Variants in RNF130 observed in about 807,000 individuals in gnomAD.
RNF130 encodes the protein ring finger protein 130, also known as E3 ubiquitin-protein ligase RNF130.
Under a neutral mutation model 44.6 loss-of-function variants are expected in RNF130, and 21 were observed. The ratio of observed to expected loss-of-function variants is 0.47; its 90% CI spans 0.33 to 0.68. RNF130 has a LOEUF of 0.68. RNF130 is among the 30% of genes least tolerant of loss of function. RNF130 has a pLI of 0.02. For missense variants in RNF130, 479 were observed against 560.6 expected (o/e 0.85, Z 1.47); for synonymous variants, 214 against 210.4 (o/e 1.02, Z -0.15).
At chr5:179,970,095 C>T (rs541158885) in intron 6 of RNF130, among the ~76,000 whole-genome samples, 1 of 152,146 alleles carries the variant, frequency 6.6e-6, no homozygotes, top group African/African-American at 2.4e-5. Flanking sequence ...TTCGAGGTTA[C>T]AGTAAGCTAT....
chr5:180,012,957 A>C (rs1185888094), intron 3 of RNF130, 104 bp downstream of exon 3: 3 of 1,345,970 alleles, frequency 2.2e-6, no homozygotes, highest in Non-Finnish European at 3.0e-6. Flanking sequence ...TGAGGGTAAC[A>C]ACATTTTTTA....
intron 3 of RNF130, among the ~76,000 whole-genome samples, chr5:179,991,660 G>T (rs989446416): frequency 6.6e-6 from 1 of 152,138 alleles, no homozygotes; most frequent in African/African-American, 2.4e-5. Flanking sequence ...ACCAGTGACT[G>T]GTTTTGTGGA....
chr5:179,962,274 A>T (rs1762349800), intron 8 of RNF130, among the ~76,000 whole-genome samples: 1 of 152,202 alleles, frequency 6.6e-6, no homozygotes, highest in African/African-American at 2.4e-5. Flanking sequence ...GCCAGGGGGC[A>T]CTTCTTCCAA....
chr5:180,041,127 G>A (rs1023113714), intron 1 of RNF130, among the ~76,000 whole-genome samples: 13 of 152,184 alleles, frequency 8.5e-5, no homozygotes, highest in Admixed American at 2.0e-4. Flanking sequence ...AATAATCCTC[G>A]GTTCAGTTAC....
At chr5:180,048,294 G>C (rs150186685) in intron 1 of RNF130, among the ~76,000 whole-genome samples, 8 of 152,104 alleles carry the variant, frequency 5.3e-5, no homozygotes, top group African/African-American at 1.9e-4. Flanking sequence ...TCTGTAGTCC[G>C]GTTTACGGCA....
intron 1 of RNF130, among the ~76,000 whole-genome samples, chr5:180,051,013 G>A (rs1379884131): frequency 6.6e-6 from 1 of 151,970 alleles, no homozygotes; most frequent in African/African-American, 2.4e-5. Flanking sequence ...ATGTTGCCCA[G>A]GCTGGTCTCG....
At chr5:179,946,830 A>C (rs1189979182) in intron 7 of RNF130, among the ~76,000 whole-genome samples, 1 of 152,226 alleles carries the variant, frequency 6.6e-6, no homozygotes, top group Non-Finnish European at 1.5e-5. Context: ...CTGGGATTAC[A>C]GACGTCAGCC....
At chr5:179,934,304 TCA>T in intron 7 of RNF130, 1 of 155,058 alleles carries the variant, frequency 6.4e-6, no homozygotes, top group Admixed American at 6.4e-5. Flanking sequence ...CAGAACTTTT[TCA>T]TCTTGCAAAT....
chr5:180,059,704 CATT>C (rs1382457608), intron 1 of RNF130, among the ~76,000 whole-genome samples: 2 of 152,200 alleles, frequency 1.3e-5, no homozygotes, highest in Non-Finnish European at 2.9e-5. Context: ...ACAACTGACC[CATT>C]AGGGTCCTGC....
At chr5:179,972,693 TG>T (rs1473586752) in intron 5 of RNF130, among the ~76,000 whole-genome samples, 3 of 152,156 alleles carry the variant, frequency 2.0e-5, no homozygotes, top group Non-Finnish European at 4.4e-5. Context: ...TGCTCCCTAC[TG>T]GGGCCAGATT....
At chr5:179,956,480 T>C (rs1762213911) in intron 8 of RNF130, 1 of 152,428 alleles carries the variant, frequency 6.6e-6, no homozygotes. Flanking sequence ...AGCAAGCAAC[T>C]TCGCAGCCAC....
At chr5:180,051,232 GATATT>G (rs1764679501) in intron 1 of RNF130, among the ~76,000 whole-genome samples, 1 of 64,774 alleles carries the variant, frequency 1.5e-5, no homozygotes, top group Non-Finnish European at 3.9e-5. Context: ...TTTTTGTATA[GATATT>G]ATATTTATTT....
At chr5:180,041,741 C>T (rs903083297) in intron 1 of RNF130, among the ~76,000 whole-genome samples, 2 of 152,206 alleles carry the variant, frequency 1.3e-5, no homozygotes, top group African/African-American at 4.8e-5. Context: ...AAAGGGAACA[C>T]AGCGCATGGA....
At chr5:180,064,488 A>C (rs955386397) in intron 1 of RNF130, among the ~76,000 whole-genome samples, 1 of 152,200 alleles carries the variant, frequency 6.6e-6, no homozygotes, top group Non-Finnish European at 1.5e-5. Flanking sequence ...CCACCGTTCC[A>C]AACAGGTCTC....
chr5:179,994,044 G>A (rs1288307884), intron 3 of RNF130, among the ~76,000 whole-genome samples: 2 of 152,168 alleles, frequency 1.3e-5, no homozygotes, highest in Non-Finnish European at 2.9e-5. Flanking sequence ...GTAGATGTGT[G>A]GTATTATTTC....
At chr5:179,964,802 T>A (rs773973804) in intron 7 of RNF130, among the ~76,000 whole-genome samples, 3 of 152,226 alleles carry the variant, frequency 2.0e-5, no homozygotes, top group African/African-American at 7.2e-5. Context: ...AAATGCTTAG[T>A]AAACCCCTAT....
intron 7 of RNF130, among the ~76,000 whole-genome samples, chr5:179,940,993 T>C (rs1761963317): frequency 6.6e-6 from 1 of 152,218 alleles, no homozygotes; most frequent in Non-Finnish European, 1.5e-5. Context: ...TTAAACTCTC[T>C]ATTGAGTTCT....
intron 3 of RNF130, among the ~76,000 whole-genome samples, chr5:180,008,808 C>T (rs768853884): frequency 2.0e-5 from 3 of 151,816 alleles, no homozygotes; most frequent in African/African-American, 7.3e-5. Flanking sequence ...CACTTGAACC[C>T]GGGAGGTGGA....
At chr5:179,970,304 C>T in intron 6 of RNF130, 106 bp downstream of exon 6, 2 of 781,004 alleles carry the variant, frequency 2.6e-6, no homozygotes, top group Non-Finnish European at 3.9e-6. Context: ...CCAGTGTTTT[C>T]TTCTGTGTCT....
Sources: allele counts gnomAD v4.1 joint callset (sites outside exome capture counted in the v4.1 genomes callset), GRCh38; gene constraint gnomAD v4.1.1; transcripts MANE v1.5; gene names NCBI Gene and HGNC (gene_info 2026-07-23, HGNC 2026-07-21).